The following TJP1 variants were observed in gnomAD, a reference collection of about 807,000 sequenced individuals.
TJP1 encodes tight junction protein ZO-1.
A neutral mutation model predicts 194.2 loss-of-function variants in TJP1; 43 were observed. That is an observed-to-expected ratio of 0.22 (90% confidence interval 0.17 to 0.29). The LOEUF is 0.29. TJP1 is among the 10% of genes least tolerant of loss of function. The pLI is 1.00. For synonymous variants in TJP1, 801 were observed against 779.0 expected (o/e 1.03, Z -0.47); for missense variants, 1,971 against 2,185.7 (o/e 0.90, Z 1.96).
At chr15:29,751,897 A>T (rs1235516535) in intron 8 of TJP1, among the ~76,000 whole-genome samples, 2 of 152,082 alleles carry the variant, frequency 1.3e-5, no homozygotes, top group African/African-American at 4.8e-5. Flanking sequence ...TGATGGAGTA[A>T]ATAAACTTTA....
chr15:29,858,719 A>AT (rs1219485733), intron 2 of TJP1, among the ~76,000 whole-genome samples: 8 of 151,054 alleles, frequency 5.3e-5, no homozygotes, highest in South Asian at 2.1e-4. Flanking sequence ...TAGTTTTTGT[A>AT]TTTTTTTTGT....
intron 27 of TJP1, among the ~76,000 whole-genome samples, chr15:29,702,815 T>C (rs1417872785): frequency 6.6e-6 from 1 of 152,240 alleles, no homozygotes; most frequent in Non-Finnish European, 1.5e-5. Context: ...GCTCTTGCTA[T>C]AATCTTTAGA....
intron 1 of TJP1, among the ~76,000 whole-genome samples, chr15:29,806,852 C>T (rs763160232): frequency 1.3e-5 from 2 of 151,814 alleles, no homozygotes; most frequent in African/African-American, 4.8e-5. Flanking sequence ...TCTGATGGGC[C>T]GTCATTTAAA....
At chr15:29,959,051 G>A (rs2056059677) in intron 1 of TJP1, among the ~76,000 whole-genome samples, 1 of 151,092 alleles carries the variant, frequency 6.6e-6, no homozygotes, top group East Asian at 2.0e-4. Context: ...GTGCAGCGGC[G>A]CGATCTCACC....
chr15:29,820,570 G>C lies in TJP1; in HGVS notation c.27+1432C>G, dbSNP rs1389162914. ...TGAAAACGTATTTCTCTCCATACTT[G>C]AAATAACCTCTTAAAAAGTGTGTTG... On this transcript the variant is annotated intron_variant, in intron 1 of 27. Coordinates refer to ENST00000614355, the MANE Select transcript of TJP1 (RefSeq NM_001330239.4). 8.4e-6 allele frequency: 6 copies of C among 716,546 alleles called. No individual in the cohort carries two copies. In the East Asian group the frequency reaches 1.3e-4, roughly 16 times the overall value. The allele number at this position is 716,546 out of a possible 1,614,324, so 44.4% of individuals were successfully genotyped here. A position where few individuals can be genotyped will look rare whatever the true frequency, so the allele number is the denominator to read the frequency against.
chr15:29,958,552 T>C (rs2056033746), intron 1 of TJP1, among the ~76,000 whole-genome samples: 1 of 152,198 alleles, frequency 6.6e-6, no homozygotes, highest in Non-Finnish European at 1.5e-5. Flanking sequence ...CCCTTTCCAT[T>C]CAGTAGTTTG....
intron 2 of TJP1, among the ~76,000 whole-genome samples, chr15:29,870,707 C>T (rs760569403): frequency 3.9e-5 from 6 of 152,196 alleles, no homozygotes; most frequent in Non-Finnish European, 5.9e-5. Flanking sequence ...GTCAGGAGAA[C>T]TGTCCCTGCA....
chr15:29,856,443 G>A (rs2051853725), intron 2 of TJP1, among the ~76,000 whole-genome samples: 1 of 152,196 alleles, frequency 6.6e-6, no homozygotes, highest in Admixed American at 6.5e-5. Flanking sequence ...CAGAGACTGG[G>A]GGAAGGGGGA....
Position 29,700,664 on chromosome 15 carries a change from C to A in TJP1, c.*931G>T. The A allele has an allele frequency of 2.1e-5, 6 of 289,670 alleles. No individual in the cohort carries two copies. The highest frequency in any genetic ancestry group is 3.1e-5 in the Non-Finnish European group (5 of 160,806). The allele number at this position is 289,670 out of a possible 1,614,324, so 17.9% of individuals were successfully genotyped here. ...GCATTATGTACAAGCATCCTTAAAA[C>A]ATCAAAATTTTCAAATGCATAGCCA... On this transcript the variant is annotated 3_prime_UTR_variant, in exon 28 of 28. Transcript: ENST00000614355.
At position 29,822,463 on chromosome 15, in the gene TJP1, G is replaced by T. The variant is rs941918210; in HGVS notation, c.-435C>A. 9 of 985,598 alleles carry T rather than the reference G, an allele frequency of 9.1e-6. No individual in the cohort carries two copies. Among genetic ancestry groups the T allele is most frequent in the African/African-American group, 3.5e-5 (2 of 57,190 alleles). The allele number at this position is 985,598 out of a possible 1,614,324, so 61.1% of individuals were successfully genotyped here. The stretch of plus-strand genomic sequence containing the variant: ...GCTCAGCCGGCGCCGGCAACTCAGC[G>T]GCCACGCAAACCTGCCGGCCCGGCC... On this transcript the variant is annotated 5_prime_UTR_variant, in exon 1 of 28. Coordinates refer to ENST00000614355, the MANE Select transcript of TJP1 (RefSeq NM_001330239.4).
chr15:29,783,301 A>T (rs2047489832), intron 2 of TJP1, among the ~76,000 whole-genome samples: 1 of 152,064 alleles, frequency 6.6e-6, no homozygotes, highest in Admixed American at 6.6e-5. Flanking sequence ...ACACAAAGAT[A>T]TCATCTCACA....
intron 2 of TJP1, among the ~76,000 whole-genome samples, chr15:29,890,141 C>T (rs2053253169): frequency 6.6e-6 from 1 of 152,286 alleles, no homozygotes; most frequent in African/African-American, 2.4e-5. Flanking sequence ...TGGCCATCCA[C>T]CCCGACCTTG....
chr15:29,934,487 C>T (rs189102058), intron 2 of TJP1, among the ~76,000 whole-genome samples: 35 of 152,286 alleles, frequency 2.3e-4, no homozygotes, highest in African/African-American at 7.9e-4. Context: ...GCTGGGTTGT[C>T]ACTGTGATCT....
intron 2 of TJP1, among the ~76,000 whole-genome samples, chr15:29,952,058 G>C (rs1231898321): frequency 6.6e-6 from 1 of 152,196 alleles, no homozygotes; most frequent in Non-Finnish European, 1.5e-5. Flanking sequence ...AAATGGAACA[G>C]CTAGGAATGT....
At chr15:29,813,374 T>C (rs993978463) in intron 1 of TJP1, among the ~76,000 whole-genome samples, 1 of 152,130 alleles carries the variant, frequency 6.6e-6, no homozygotes, top group African/African-American at 2.4e-5. Flanking sequence ...CAGACAGACA[T>C]ATACAATATT....
intron 1 of TJP1, among the ~76,000 whole-genome samples, chr15:29,959,747 A>G (rs1324831196): frequency 6.6e-6 from 1 of 152,220 alleles, no homozygotes; most frequent in Non-Finnish European, 1.5e-5. Context: ...TTGTTTACTC[A>G]GATTATTATT....
intron 1 of TJP1, chr15:29,820,421 G>A: frequency 3.0e-6 from 2 of 674,890 alleles, no homozygotes; most frequent in Non-Finnish European, 5.4e-6. Flanking sequence ...ACTCGCAAAT[G>A]TTTACAATGC....
Position 29,909,004 on chromosome 15 carries a change from A to G in TJP1, c.306+47228T>C, listed in dbSNP as rs551174866. 2.0e-5 allele frequency among the ~76,000 whole-genome samples: 3 copies of G among 152,150 alleles called. No homozygotes were observed. The South Asian group carries it at 6.2e-4, about 32-fold the overall frequency. ...CCCGTCTCTACCAAAAATACAAAAA[A>G]AAATTATCCGGGTGTGGTGGTGGGC... On this transcript the variant is annotated intron_variant, in intron 2 of 28. Transcript: ENST00000356107.
At chr15:29,786,657 T>C (rs1211131015) in intron 2 of TJP1, among the ~76,000 whole-genome samples, 1 of 152,102 alleles carries the variant, frequency 6.6e-6, no homozygotes, top group Non-Finnish European at 1.5e-5. Flanking sequence ...GACACGACCA[T>C]GCCTGGCTAA....
Sources: gnomAD v4.1 joint callset for allele counts (sites outside exome capture counted in the v4.1 genomes callset) on GRCh38, gnomAD v4.1.1 for gene constraint, MANE v1.5 for transcripts, NCBI Gene and HGNC (gene_info 2026-07-23, HGNC 2026-07-21) for gene names.